The following NEGR1 variants were observed in gnomAD, a reference collection of about 807,000 sequenced individuals.
NEGR1 encodes the protein neuronal growth regulator 1, also known as IgLON family member 4.
In NEGR1, 10 loss-of-function variants were observed where a neutral mutation model predicts 40.9. The ratio of observed to expected loss-of-function variants is 0.24; its 90% CI spans 0.15 to 0.42. The LOEUF (loss-of-function observed/expected upper bound fraction) is 0.42, where lower values mean the gene tolerates loss of function less well. NEGR1 is among the 10% of genes least tolerant of loss of function. The probability of loss-of-function intolerance (pLI) is 1.00; values close to 1 mark genes in which losing one functional copy is unlikely to be tolerated. For synonymous variants in NEGR1, 185 were observed against 166.8 expected (o/e 1.11, Z -0.84); for missense variants, 352 against 438.9 (o/e 0.80, Z 1.77).
At chr1:71,716,283 T>C (rs1326675348) in intron 3 of NEGR1, among the ~76,000 whole-genome samples, 2 of 152,088 alleles carry the variant, frequency 1.3e-5, no homozygotes, top group African/African-American at 4.8e-5. Flanking sequence ...ATTATTAAAA[T>C]TCAAGGTAAG....
intron 2 of NEGR1, among the ~76,000 whole-genome samples, chr1:71,825,856 C>A (rs75100630): frequency 6.6e-6 from 1 of 151,886 alleles, no homozygotes; most frequent in Non-Finnish European, 1.5e-5. Flanking sequence ...GTTAGAACGT[C>A]TAATTTTAGT....
At chr1:71,896,304 G>T (rs534666222) in intron 2 of NEGR1, among the ~76,000 whole-genome samples, 1 of 151,940 alleles carries the variant, frequency 6.6e-6, no homozygotes, top group East Asian at 1.9e-4. Flanking sequence ...TCCCAAATGT[G>T]TTTAACATAT....
At chr1:71,506,945 C>T (rs1290454764) in intron 6 of NEGR1, among the ~76,000 whole-genome samples, 2 of 152,178 alleles carry the variant, frequency 1.3e-5, no homozygotes, top group Non-Finnish European at 1.5e-5. Flanking sequence ...GGCCCTAAAG[C>T]TCCTTGAAGG....
intron 5 of NEGR1, among the ~76,000 whole-genome samples, chr1:71,605,494 A>G (rs1650050101): frequency 6.6e-6 from 1 of 152,182 alleles, no homozygotes; most frequent in South Asian, 2.1e-4. Context: ...TGTTTTTGTA[A>G]TACCTATTGA....
chr1:71,435,045 T>C (rs571630954), intron 6 of NEGR1, among the ~76,000 whole-genome samples: 13 of 151,624 alleles, frequency 8.6e-5, no homozygotes, highest in African/African-American at 1.7e-4. Context: ...GAGCCGAGAT[T>C]GCGCCAATGC....
chr1:71,557,445 T>C (rs774885470), intron 6 of NEGR1, among the ~76,000 whole-genome samples: 1 of 151,636 alleles, frequency 6.6e-6, no homozygotes, highest in South Asian at 2.1e-4. Flanking sequence ...ATGAACGTCA[T>C]GCACTTGGAG....
chr1:71,985,174 T>G (rs1646384190), intron 1 of NEGR1, among the ~76,000 whole-genome samples: 1 of 152,176 alleles, frequency 6.6e-6, no homozygotes, highest in African/African-American at 2.4e-5. Context: ...TTTCAAGAAT[T>G]AATAATCTCT....
chr1:71,798,549 T>A (rs1481805712), intron 2 of NEGR1, among the ~76,000 whole-genome samples: 2 of 152,196 alleles, frequency 1.3e-5, no homozygotes, highest in Non-Finnish European at 2.9e-5. Context: ...AAGAATTACA[T>A]CTTCACAATA....
At chr1:71,591,432 AAT>A (rs1385842034) in intron 6 of NEGR1, among the ~76,000 whole-genome samples, 1 of 152,168 alleles carries the variant, frequency 6.6e-6, no homozygotes, top group African/African-American at 2.4e-5. Context: ...AGCAAAACGT[AAT>A]ATGTTATTAA....
At chr1:71,460,621 A>T (rs1236692877) in intron 6 of NEGR1, among the ~76,000 whole-genome samples, 2 of 152,168 alleles carry the variant, frequency 1.3e-5, no homozygotes, top group Non-Finnish European at 1.5e-5. Context: ...GGGCTTCTCA[A>T]TAAGTATTAG....
intron 4 of NEGR1, among the ~76,000 whole-genome samples, chr1:71,625,239 T>A (rs1419309626): frequency 6.6e-6 from 1 of 151,856 alleles, no homozygotes; most frequent in Non-Finnish European, 1.5e-5. Flanking sequence ...ATTTTTGATT[T>A]TTTTGTGTGT....
At chr1:71,952,058 C>T (rs752084865) in intron 1 of NEGR1, among the ~76,000 whole-genome samples, 2 of 151,840 alleles carry the variant, frequency 1.3e-5, no homozygotes, top group Admixed American at 6.6e-5. Flanking sequence ...CAAGATACAA[C>T]AATTTTGCAA....
At chr1:71,798,564 T>C (rs1397385229) in intron 2 of NEGR1, among the ~76,000 whole-genome samples, 1 of 152,226 alleles carries the variant, frequency 6.6e-6, no homozygotes, top group Non-Finnish European at 1.5e-5. Flanking sequence ...ACAATATTTA[T>C]GTGAAACATT....
At chr1:72,242,666 A>G (rs1030249964) in intron 1 of NEGR1, among the ~76,000 whole-genome samples, 3 of 151,708 alleles carry the variant, frequency 2.0e-5, no homozygotes, top group African/African-American at 7.2e-5. Flanking sequence ...TTTATCAGGC[A>G]CTTATGTGCC....
chr1:71,748,861 T>C (rs966589710), intron 3 of NEGR1, among the ~76,000 whole-genome samples: 1 of 152,090 alleles, frequency 6.6e-6, no homozygotes, highest in Non-Finnish European at 1.5e-5. Flanking sequence ...TTTCTTATGA[T>C]TCACACAGGA....
rs141603907 is a variant in NEGR1, at chr1:71,629,535, T to C, written c.668-18389A>G. Among the ~76,000 whole-genome samples, 153 of 152,136 alleles carry C rather than the reference T, an allele frequency of 1.0e-3. 1 individual carries two copies. The highest frequency in any genetic ancestry group is 1.6e-3 in the Admixed American group (25 of 15,240). ...CACTCATGATTCGGCTTTCTGTTTGTCTATTATTGGTGTATAGGAATGCTT... is the reference window on the plus strand; with the variant it reads ...CACTCATGATTCGGCTTTCTGTTTGCCTATTATTGGTGTATAGGAATGCTT... On this transcript the variant is annotated intron_variant, in intron 4 of 6. Transcript: ENST00000357731.
intron 6 of NEGR1, among the ~76,000 whole-genome samples, chr1:71,482,276 A>G (rs913549048): frequency 6.6e-6 from 1 of 151,912 alleles, no homozygotes; most frequent in Non-Finnish European, 1.5e-5. Context: ...AATAGTGACA[A>G]AAAGGTATTT....
intron 6 of NEGR1, among the ~76,000 whole-genome samples, chr1:71,561,468 G>T (rs1217671436): frequency 6.6e-6 from 1 of 151,584 alleles, no homozygotes; most frequent in Non-Finnish European, 1.5e-5. Context: ...TTAAAGATAA[G>T]TAGACGATAC....
chr1:72,096,196 A>G (rs1648690097), intron 1 of NEGR1, among the ~76,000 whole-genome samples: 1 of 152,212 alleles, frequency 6.6e-6, no homozygotes, highest in African/African-American at 2.4e-5. Flanking sequence ...CAAGGTGAAC[A>G]TGAACTTCAT....
Sources: allele counts gnomAD v4.1 joint callset (sites outside exome capture counted in the v4.1 genomes callset), GRCh38; gene constraint gnomAD v4.1.1; transcripts MANE v1.5; gene names NCBI Gene and HGNC (gene_info 2026-07-23, HGNC 2026-07-21).